Variants in OSBPL8 observed in about 807,000 individuals in gnomAD.
OSBPL8 encodes oxysterol binding protein like 8, also known as oxysterol-binding protein-related protein 8.
Under a neutral mutation model 125.5 loss-of-function variants are expected in OSBPL8, and 59 were observed. The observed-to-expected ratio is 0.47, with a 90% CI of 0.38 to 0.58. The LOEUF (loss-of-function observed/expected upper bound fraction) is 0.58. Ranked by LOEUF, OSBPL8 falls within the 20% of genes least tolerant of loss-of-function variation. The probability of loss-of-function intolerance (pLI) is 0.00; values close to 1 mark genes in which losing one functional copy is unlikely to be tolerated. For synonymous variants in OSBPL8, 330 were observed against 338.9 expected, an observed-to-expected ratio of 0.97 and a Z score of 0.29; for missense variants, 758 against 1,047.8, an observed-to-expected ratio of 0.72 and a Z score of 3.82.
chr12:76,424,567 T>C (rs1413963017), intron 4 of OSBPL8, among the ~76,000 whole-genome samples: 3 of 152,228 alleles, frequency 2.0e-5, no homozygotes, highest in Non-Finnish European at 4.4e-5. Context: ...TATGCTAGTA[T>C]AATAGTTAAG....
intron 1 of OSBPL8, among the ~76,000 whole-genome samples, chr12:76,497,341 TA>T (rs1879384617): frequency 6.6e-6 from 1 of 152,208 alleles, no homozygotes; most frequent in African/African-American, 2.4e-5. Context: ...ATGAGTCTGA[TA>T]AACTGTATTT....
intron 4 of OSBPL8, among the ~76,000 whole-genome samples, chr12:76,443,386 C>CT (rs142151210): frequency 0.011 from 1,609 of 152,200 alleles, 39 homozygotes; most frequent in African/African-American, 0.037. Flanking sequence ...GAATGTGTGT[C>CT]ATGTTTGCCT....
chr12:76,449,710 T>C (rs889389512), intron 4 of OSBPL8, among the ~76,000 whole-genome samples: 3 of 152,240 alleles, frequency 2.0e-5, no homozygotes, highest in African/African-American at 7.2e-5. Context: ...TTCTCTGTAC[T>C]ATATTTTTTA....
intron 1 of OSBPL8, among the ~76,000 whole-genome samples, chr12:76,516,958 G>A (rs777266413): frequency 6.6e-5 from 10 of 151,764 alleles, no homozygotes; most frequent in African/African-American, 1.2e-4. Flanking sequence ...GGATTACAGC[G>A]TTATGTCACA....
In OSBPL8 at chr12:76,399,859, C is replaced by CA. The variant is rs1253239470; in HGVS notation, c.468+13dup. ...CATCCAGCAATCTGAATTCATGATT[C>CA]AAAACACACTGACCTTTAACCAATC... is the stretch of plus-strand genomic sequence containing the variant. On this transcript the variant is annotated intron_variant, in intron 7 of 23. Coordinates refer to ENST00000261183, the MANE Select transcript of OSBPL8 (RefSeq NM_020841.5). 4 of 1,575,966 alleles carry CA rather than the reference C, an allele frequency of 2.5e-6. No individual in the cohort carries two copies. The highest frequency in any genetic ancestry group is 3.4e-6 in the Non-Finnish European group (4 of 1,165,392).
intron 2 of OSBPL8, among the ~76,000 whole-genome samples, chr12:76,472,889 C>G (rs1230515856): frequency 6.6e-6 from 1 of 152,088 alleles, no homozygotes; most frequent in Non-Finnish European, 1.5e-5. Context: ...GTCAGGCCCT[C>G]CACAAGAGGT....
At chr12:76,386,737 G>C (rs1023565380) in intron 12 of OSBPL8, 77 bp from the exon 13 acceptor site, 6 of 966,550 alleles carry the variant, frequency 6.2e-6, no homozygotes, top group Non-Finnish European at 7.9e-6. Context: ...ACCAATAACC[G>C]AGTATGAAAC....
At chr12:76,465,567 T>A (rs1875315940) in intron 2 of OSBPL8, among the ~76,000 whole-genome samples, 1 of 150,392 alleles carries the variant, frequency 6.6e-6, no homozygotes. Context: ...CTCAAAAAAA[T>A]AAAATAAAAT....
chr12:76,498,886 C>T (rs1879568826), intron 1 of OSBPL8, among the ~76,000 whole-genome samples: 2 of 151,880 alleles, frequency 1.3e-5, no homozygotes, highest in South Asian at 2.1e-4. Context: ...TGCCCAGCTA[C>T]GTTTATTGTT....
At chr12:76,515,205 G>A (rs1022912826) in intron 1 of OSBPL8, among the ~76,000 whole-genome samples, 3 of 152,200 alleles carry the variant, frequency 2.0e-5, no homozygotes, top group African/African-American at 4.8e-5. Context: ...ACAGTCACTC[G>A]CAGGACACTC....
chr12:76,510,251 C>G (rs1880837119), intron 1 of OSBPL8, among the ~76,000 whole-genome samples: 1 of 152,148 alleles, frequency 6.6e-6, no homozygotes, highest in Non-Finnish European at 1.5e-5. Flanking sequence ...ATATACCAAT[C>G]ATCCAACCCA....
At chr12:76,367,235 T>G (rs953327801) in intron 21 of OSBPL8, among the ~76,000 whole-genome samples, 1 of 151,204 alleles carries the variant, frequency 6.6e-6, no homozygotes, top group African/African-American at 2.4e-5. Context: ...GATTGGTGTG[T>G]GTGTGTGTGT....
intron 11 of OSBPL8, 23 bp downstream of exon 11, chr12:76,390,397 C>T: frequency 1.3e-6 from 2 of 1,494,310 alleles, no homozygotes; most frequent in Non-Finnish European, 1.8e-6. Flanking sequence ...AATCCAGAAC[C>T]TCTAAAAATA....
At chr12:76,533,476 C>A (rs1401809060) in intron 1 of OSBPL8, among the ~76,000 whole-genome samples, 2 of 152,180 alleles carry the variant, frequency 1.3e-5, no homozygotes, top group East Asian at 3.9e-4. Context: ...CTAAAAATAT[C>A]TATTTGAGCA....
intron 2 of OSBPL8, among the ~76,000 whole-genome samples, chr12:76,485,385 A>G (rs540542973): frequency 6.6e-6 from 1 of 152,210 alleles, no homozygotes; most frequent in South Asian, 2.1e-4. Context: ...CATCCTGACC[A>G]ACATGGAGAA....
chr12:76,437,405 G>A (rs1003129615), intron 4 of OSBPL8, among the ~76,000 whole-genome samples: 1 of 152,154 alleles, frequency 6.6e-6, no homozygotes, highest in Non-Finnish European at 1.5e-5. Context: ...TAATGATGTT[G>A]AGCATCATTT....
At chr12:76,369,602 A>G (rs1738520745) in intron 20 of OSBPL8, 35 bp downstream of exon 20, 1 of 1,568,454 alleles carries the variant, frequency 6.4e-7, no homozygotes, top group Non-Finnish European at 8.8e-7. Flanking sequence ...CCATGCTAAT[A>G]CATTGTTTGA....
chr12:76,485,316 A>T (rs1878011387), intron 2 of OSBPL8, among the ~76,000 whole-genome samples: 1 of 152,114 alleles, frequency 6.6e-6, no homozygotes, highest in Non-Finnish European at 1.5e-5. Flanking sequence ...TCATGCCTGT[A>T]ATCCCAGCAC....
At chr12:76,501,920 T>TA (rs1273974656) in intron 1 of OSBPL8, among the ~76,000 whole-genome samples, 2 of 152,254 alleles carry the variant, frequency 1.3e-5, no homozygotes, top group Non-Finnish European at 2.9e-5. Flanking sequence ...TCCATAGACT[T>TA]AGAGTGCCTC....
Sources: allele counts gnomAD v4.1 joint callset (sites outside exome capture counted in the v4.1 genomes callset), GRCh38; gene constraint gnomAD v4.1.1; transcripts MANE v1.5; gene names NCBI Gene and HGNC (gene_info 2026-07-23, HGNC 2026-07-21).